RINT1: variants seen among roughly 807,000 people sequenced by gnomAD.
The protein encoded by RINT1 is RAD50 interactor 1.
Under a neutral mutation model 97.7 loss-of-function variants are expected in RINT1, and 75 were observed. The ratio of observed to expected loss-of-function variants is 0.77; its 90% CI spans 0.64 to 0.93. The LOEUF (loss-of-function observed/expected upper bound fraction) is 0.93. RINT1 is among the 40% of genes least tolerant of loss of function. The probability of loss-of-function intolerance (pLI) is 0.00; values close to 1 mark genes in which losing one functional copy is unlikely to be tolerated. For missense variants in RINT1, 892 were observed against 925.2 expected, an observed-to-expected ratio of 0.96 and a Z score of 0.47; for synonymous variants, 303 against 326.3, an observed-to-expected ratio of 0.93 and a Z score of 0.77.
At chr7:105,558,165 A>G (rs1379734476) in intron 11 of RINT1, among the ~76,000 whole-genome samples, 1 of 151,816 alleles carries the variant, frequency 6.6e-6, no homozygotes, top group Non-Finnish European at 1.5e-5. Context: ...AAATAAAAAA[A>G]ATGCCTGTAA....
intron 3 of RINT1, among the ~76,000 whole-genome samples, chr7:105,537,795 C>T (rs892195252): frequency 1.3e-5 from 2 of 151,782 alleles, no homozygotes; most frequent in African/African-American, 2.4e-5. Context: ...GAGATCATGC[C>T]ATCGCACTCC....
chr7:105,538,018 A>T (rs1368474941), intron 3 of RINT1, among the ~76,000 whole-genome samples: 1 of 151,674 alleles, frequency 6.6e-6, no homozygotes, highest in African/African-American at 2.4e-5. Context: ...TTTGAGACGG[A>T]GTCTGACTCT....
intron 1 of RINT1, 70 bp downstream of exon 1, chr7:105,532,427 G>A (rs777321077): frequency 6.6e-7 from 1 of 1,507,078 alleles, no homozygotes; most frequent in Non-Finnish European, 9.0e-7. Flanking sequence ...CCTCCCGGGG[G>A]AGATAGTCCC....
chr7:105,536,617 A>T lies in RINT1; in HGVS notation c.141A>T (p.Thr47=), dbSNP rs756001839. ...LIGSKQVSEG[T]DNGDLPSYVS... is the part of the protein sequence containing the mutation. Reference sequence around the variant, plus strand: ...GAAGTAAACAAGTCAGTGAAGGTACAGATAATGGTGATCTCCCTTCTTATG... The same window carrying T: ...GAAGTAAACAAGTCAGTGAAGGTACTGATAATGGTGATCTCCCTTCTTATG... Residue 47 remains threonine, a synonymous_variant, in exon 3 of 15, where the codon ACA becomes ACT. Transcript: ENST00000257700. 5.6e-6 allele frequency: 9 copies of T among 1,611,312 alleles called. No homozygotes were observed. The East Asian group carries it at 8.9e-5, about 16-fold the overall frequency.
At chr7:105,547,375 T>C (rs766270202) in intron 6 of RINT1, 42 bp downstream of exon 6, 3 of 1,601,360 alleles carry the variant, frequency 1.9e-6, no homozygotes, top group South Asian at 1.1e-5. Context: ...ATTTCTTTTT[T>C]CTAGAATGGG....
chr7:105,565,158 T>C, intron 12 of RINT1, 119 bp from the exon 13 acceptor site: 1 of 707,272 alleles, frequency 1.4e-6, no homozygotes, highest in Non-Finnish European at 2.3e-6. Context: ...TGTTAGGCTG[T>C]ATATTTTTTC....
At chr7:105,556,510 G>C (rs1791186951) in intron 11 of RINT1, among the ~76,000 whole-genome samples, 1 of 148,304 alleles carries the variant, frequency 6.7e-6, no homozygotes, top group Non-Finnish European at 1.5e-5. Flanking sequence ...ATCTCTAAAA[G>C]GTAAGAACTC....
chr7:105,547,239 T>C lies in RINT1; in HGVS notation c.745T>C (p.Ser249Pro). ...LHWPFIAPPQSQTVGLSRPAS... is the reference protein window; with the variant it reads ...LHWPFIAPPQPQTVGLSRPAS... ...TTGGCCATTCATCGCACCCCCTCAA[T>C]CACAAACTGTTGGCTTAAGTCGACC... The change falls in exon 6 of 15, where the codon TCA becomes CCA. Residue 249 changes from serine to proline, a missense_variant. Coordinates refer to ENST00000257700, the MANE Select transcript of RINT1 (RefSeq NM_021930.6). 6.2e-7 allele frequency: 1 copy of C among 1,614,164 alleles called. No individual in the cohort carries two copies. The highest frequency in any genetic ancestry group is 8.5e-7 in the Non-Finnish European group (1 of 1,180,026).
chr7:105,565,246 A>G lies in RINT1; in HGVS notation c.1887-31A>G, dbSNP rs147460279. The G allele has an allele frequency of 2.6e-5, 41 of 1,562,828 alleles. No individual in the cohort carries two copies. In the Middle Eastern group the frequency reaches 5.1e-4, roughly 20 times the overall value. ...AAACTTGAAAAATAGAAACTGATGAAAATTTTTTGGTAAAAATGTGTTTTT... is the reference window on the plus strand; with the variant it reads ...AAACTTGAAAAATAGAAACTGATGAGAATTTTTTGGTAAAAATGTGTTTTT... On this transcript the variant is annotated intron_variant, in intron 12 of 14. Coordinates refer to ENST00000257700, the MANE Select transcript of RINT1 (RefSeq NM_021930.6).
In RINT1 at chr7:105,536,670, G is replaced by T. The variant is rs1228140390; in HGVS notation, c.194G>T (p.Gly65Val). The part of the protein sequence containing the change: ...YVSAFIEKEV[G>V]NDLKSLKKLD... ...TCTGCATTCATAGAAAAGGAAGTTG[G>T]AAATGACCTTAAATCTTTAAAGAAA... Residue 65 changes from glycine to valine, a missense_variant, in exon 3 of 15, where the codon GGA becomes GTA. Coordinates refer to ENST00000257700, the MANE Select transcript of RINT1 (RefSeq NM_021930.6). The T allele has an allele frequency of 1.7e-5, 28 of 1,612,920 alleles. No homozygotes were observed. The highest frequency in any genetic ancestry group is 2.2e-5 in the Non-Finnish European group (26 of 1,179,424).
chr7:105,567,085 G>A (rs1352822785), intron 14 of RINT1, 34 bp from the exon 15 acceptor site: 3 of 1,348,524 alleles, frequency 2.2e-6, no homozygotes, highest in African/African-American at 1.5e-5. Flanking sequence ...AGATAATGGA[G>A]ATCTCATTTC....
intron 11 of RINT1, among the ~76,000 whole-genome samples, chr7:105,557,429 ATTAAT>A (rs1471519173): frequency 3.9e-5 from 6 of 152,174 alleles, no homozygotes; most frequent in African/African-American, 9.6e-5. Context: ...GACAAGATAA[ATTAAT>A]TTAAAATATC....
Position 105,547,026 on chromosome 7 carries a change from G to C in RINT1, c.632G>C (p.Gly211Ala), listed in dbSNP as rs756236683. The change falls in exon 5 of 15, where the codon GGT becomes GCT. Residue 211 changes from glycine (G) to alanine (A), a missense_variant. By Grantham distance (60) the Gly-to-Ala change is moderately conservative. Coordinates refer to ENST00000257700, the MANE Select transcript of RINT1 (RefSeq NM_021930.6). ...LQESSCTHLL[G>A]FMRATVKFWH... ...GAATCATCTTGTACTCATCTTCTTGGTTTCATGAGAGCCACAGTTAAATTC... is the reference window on the plus strand; with the variant it reads ...GAATCATCTTGTACTCATCTTCTTGCTTTCATGAGAGCCACAGTTAAATTC... The C allele has an allele frequency of 7.4e-6, 12 of 1,613,964 alleles. No homozygotes were observed. In the South Asian group the frequency reaches 7.7e-5, roughly 10 times the overall value.
chr7:105,555,139 CTA>C lies in RINT1; in HGVS notation c.1584_1585del (p.Arg529SerfsTer12). 6.2e-7 allele frequency: 1 copy of C among 1,614,076 alleles called. No homozygotes were observed. Among genetic ancestry groups the C allele is most frequent in the Non-Finnish European group, 8.5e-7 (1 of 1,179,976 alleles). On this transcript the variant is annotated frameshift_variant, in exon 11 of 15. Coordinates refer to ENST00000257700, the MANE Select transcript of RINT1 (RefSeq NM_021930.6). LOFTEE classifies it high-confidence loss of function. The stretch of plus-strand genomic sequence containing the variant: ...TTAACACAAGTGATGAAAGAAGAGA[CTA>C]GAGCTTCCCTTGGCTTTCGATACTG...
At chr7:105,558,533 T>G (rs1338444205) in intron 11 of RINT1, among the ~76,000 whole-genome samples, 1 of 152,124 alleles carries the variant, frequency 6.6e-6, no homozygotes, top group African/African-American at 2.4e-5. Flanking sequence ...TATAGTCTGT[T>G]TAAGAAAGAT....
rs533289332 is a variant in RINT1 at position 105,556,110 on chromosome 7, G to C, written c.1671+883G>C. Among the ~76,000 whole-genome samples the C allele has an allele frequency of 2.0e-5, 3 of 149,324 alleles. No individual in the cohort carries two copies. In the East Asian group the frequency reaches 5.8e-4, roughly 29 times the overall value. On this transcript the variant is annotated intron_variant, in intron 11 of 14. Coordinates refer to ENST00000257700, the MANE Select transcript of RINT1 (RefSeq NM_021930.6). The stretch of plus-strand genomic sequence containing the variant: ...TGACAGAGTTTCGCTCTTGTTGCCC[G>C]GGCTGGAGTGCAATGGTGCGATCTC...
chr7:105,548,632 C>A lies in RINT1; in HGVS notation c.918C>A (p.Ile306=). ...CCTCCCCTTCTGTCATCCTGCCCAT[C>A]CAGGTTATGCTGACTCCTCTTCAGA... ...LPASPSVILP[I]QVMLTPLQKR... The change falls in exon 7 of 15, where the codon ATC becomes ATA. Residue 306 remains isoleucine, a synonymous_variant. Coordinates refer to ENST00000257700, the MANE Select transcript of RINT1 (RefSeq NM_021930.6). 6.2e-7 allele frequency: 1 copy of A among 1,614,070 alleles called. No homozygotes were observed. The highest frequency in any genetic ancestry group is 8.5e-7 in the Non-Finnish European group (1 of 1,179,942).
intron 4 of RINT1, among the ~76,000 whole-genome samples, chr7:105,543,594 T>C (rs546448480): frequency 1.3e-5 from 2 of 152,300 alleles, no homozygotes; most frequent in Non-Finnish European, 2.9e-5. Context: ...TAGTACTTGC[T>C]GCAGAGCTGT....
At chr7:105,551,952 C>T (rs1790946885) in intron 10 of RINT1, among the ~76,000 whole-genome samples, 1 of 152,034 alleles carries the variant, frequency 6.6e-6, no homozygotes, top group South Asian at 2.1e-4. Context: ...CCTGTAGTCC[C>T]AGCTACTTGG....
Sources: allele counts gnomAD v4.1 joint callset (sites outside exome capture counted in the v4.1 genomes callset), GRCh38; gene constraint gnomAD v4.1.1; transcripts MANE v1.5; gene names NCBI Gene and HGNC (gene_info 2026-07-23, HGNC 2026-07-21).